The following MAP4K4 variants were observed in gnomAD, a reference collection of about 807,000 sequenced individuals.
MAP4K4 encodes mitogen-activated protein kinase kinase kinase kinase 4.
A neutral mutation model predicts 189.6 loss-of-function variants in MAP4K4; 38 were observed. That is an observed-to-expected ratio of 0.20 (90% CI 0.15 to 0.26). The LOEUF (loss-of-function observed/expected upper bound fraction) is 0.26. Ranked by LOEUF, MAP4K4 falls within the 10% of genes least tolerant of loss-of-function variation. MAP4K4 has a pLI of 1.00. For missense variants in MAP4K4, 1,054 were observed against 1,726.9 expected (o/e 0.61, Z 6.91); for synonymous variants, 610 against 624.3 (o/e 0.98, Z 0.34).
intron 3 of MAP4K4, among the ~76,000 whole-genome samples, chr2:101,803,191 TA>T (rs1383517465): frequency 6.6e-6 from 1 of 151,944 alleles, no homozygotes; most frequent in Non-Finnish European, 1.5e-5. Flanking sequence ...TCTTTTTATG[TA>T]AAAAACCCAA....
intron 10 of MAP4K4, among the ~76,000 whole-genome samples, chr2:101,841,170 C>T (rs376990916): frequency 3.9e-5 from 6 of 152,186 alleles, no homozygotes; most frequent in African/African-American, 7.2e-5. Flanking sequence ...CCTTCCCTTC[C>T]TTTCTCTTCA....
chr2:101,800,050 G>C (rs1384905275), intron 3 of MAP4K4, among the ~76,000 whole-genome samples: 1 of 151,850 alleles, frequency 6.6e-6, no homozygotes, highest in South Asian at 2.1e-4. Flanking sequence ...CACGTGGGTG[G>C]TGCTTAGCAT....
At chr2:101,878,789 TATTTA>T (rs1438785596) in intron 27 of MAP4K4, among the ~76,000 whole-genome samples, 5 of 152,234 alleles carry the variant, frequency 3.3e-5, no homozygotes, top group African/African-American at 1.2e-4. Context: ...CAGTGATTTT[TATTTA>T]ATTATCTGCT....
intron 28 of MAP4K4, among the ~76,000 whole-genome samples, chr2:101,883,635 A>T (rs2098440779): frequency 2.0e-5 from 3 of 152,256 alleles, no homozygotes; most frequent in Admixed American, 2.0e-4. Flanking sequence ...TTTAAACAGG[A>T]AGTTTTTCTA....
chr2:101,769,167 G>C (rs2080114425), intron 2 of MAP4K4, among the ~76,000 whole-genome samples: 1 of 152,110 alleles, frequency 6.6e-6, no homozygotes, highest in Non-Finnish European at 1.5e-5. Context: ...TAAGTGACTT[G>C]GCTTTTTTAA....
chr2:101,826,887 G>C (rs1314958126), intron 5 of MAP4K4, among the ~76,000 whole-genome samples: 1 of 151,904 alleles, frequency 6.6e-6, no homozygotes, highest in Non-Finnish European at 1.5e-5. Flanking sequence ...ATTGTTCTTT[G>C]TTTTAAACAC....
intron 2 of MAP4K4, among the ~76,000 whole-genome samples, chr2:101,785,156 T>C (rs1025148335): frequency 2.6e-5 from 4 of 152,372 alleles, no homozygotes; most frequent in Non-Finnish European, 4.4e-5. Flanking sequence ...CTAACTTCTG[T>C]GTTTATTTAC....
intron 28 of MAP4K4, among the ~76,000 whole-genome samples, chr2:101,883,029 A>T (rs1032805399): frequency 9.2e-5 from 14 of 152,230 alleles, no homozygotes; most frequent in African/African-American, 3.4e-4. Flanking sequence ...GGTTCACAGT[A>T]ACCTCTTTAA....
At chr2:101,759,482 TCCC>T (rs2074708077) in intron 2 of MAP4K4, among the ~76,000 whole-genome samples, 1 of 45,250 alleles carries the variant, frequency 2.2e-5, no homozygotes, top group Non-Finnish European at 4.2e-5. Context: ...CCCTCTCCCC[TCCC>T]CTCCCCTCTC....
chr2:101,738,367 A>G (rs2061324281), intron 2 of MAP4K4, among the ~76,000 whole-genome samples: 1 of 152,202 alleles, frequency 6.6e-6, no homozygotes, highest in Non-Finnish European at 1.5e-5. Context: ...TAGGCAGGAT[A>G]TGTTGAGAAA....
intron 24 of MAP4K4, among the ~76,000 whole-genome samples, chr2:101,872,407 C>T (rs987436275): frequency 1.6e-4 from 25 of 152,164 alleles, no homozygotes; most frequent in Admixed American, 8.5e-4. Context: ...TTGTGGTGCT[C>T]GGTCTGGGTG....
chr2:101,870,408 TC>T lies in MAP4K4; in HGVS notation c.2755del (p.Arg919AlafsTer87). On this transcript the variant is annotated frameshift_variant, in exon 23 of 33. Transcript: ENST00000324219. LOFTEE classifies it high-confidence loss of function. ...CCATCCAAGGAGGGCACTCTAATCGTCCGCCAGGTACCCGTGTCTTCTCTGT... is the reference window on the plus strand; with the variant it reads ...CCATCCAAGGAGGGCACTCTAATCGTCGCCAGGTACCCGTGTCTTCTCTGT... 6.2e-7 allele frequency: 1 copy of T among 1,613,620 alleles called. No individual in the cohort carries two copies. The highest frequency in any genetic ancestry group is 8.5e-7 in the Non-Finnish European group (1 of 1,179,782).
chr2:101,826,485 G>A (rs1290099060), intron 5 of MAP4K4, among the ~76,000 whole-genome samples: 10 of 152,176 alleles, frequency 6.6e-5, no homozygotes, highest in Admixed American at 6.5e-4. Context: ...TCATTAAAAT[G>A]TCAGGATCTT....
At chr2:101,780,571 G>A (rs1385933989) in intron 2 of MAP4K4, among the ~76,000 whole-genome samples, 2 of 152,176 alleles carry the variant, frequency 1.3e-5, no homozygotes, top group Non-Finnish European at 2.9e-5. Flanking sequence ...TTTTGTGTAT[G>A]ATGTCTTCTG....
At chr2:101,856,689 T>C (rs1336977791) in intron 13 of MAP4K4, among the ~76,000 whole-genome samples, 1 of 152,168 alleles carries the variant, frequency 6.6e-6, no homozygotes, top group Non-Finnish European at 1.5e-5. Flanking sequence ...TAATGTCAGG[T>C]ATGATTTTAT....
chr2:101,861,123 A>G, intron 16 of MAP4K4, 137 bp downstream of exon 16: 2 of 750,656 alleles, frequency 2.7e-6, no homozygotes, highest in Non-Finnish European at 4.2e-6. Context: ...AGTTTAGACT[A>G]AAAGAAGGCA....
exon 15 of MAP4K4, chr2:101,859,780 A>G (rs762602382): frequency 3.7e-6 from 6 of 1,610,604 alleles, no homozygotes; most frequent in Non-Finnish European, 5.1e-6. Flanking sequence ...AGCAGCCGCC[A>G]CCACCGCAGC....
At chr2:101,816,987 C>A (rs1340976503) in intron 3 of MAP4K4, among the ~76,000 whole-genome samples, 3 of 148,882 alleles carry the variant, frequency 2.0e-5, no homozygotes, top group African/African-American at 4.9e-5. Flanking sequence ...CCAAACTTTT[C>A]TATCCTAAAC....
At chr2:101,779,199 T>TG in intron 2 of MAP4K4, among the ~76,000 whole-genome samples, 1 of 152,074 alleles carries the variant, frequency 6.6e-6, no homozygotes. Context: ...TGTTTATTGA[T>TG]AGGGAGGAGG....
Sources: allele counts gnomAD v4.1 joint callset (sites outside exome capture counted in the v4.1 genomes callset), GRCh38; gene constraint gnomAD v4.1.1; transcripts MANE v1.5; gene names NCBI Gene and HGNC (gene_info 2026-07-23, HGNC 2026-07-21).